COL8A1: variants seen among roughly 807,000 people sequenced by gnomAD.
COL8A1 encodes collagen alpha-1(VIII) chain.
In COL8A1, 21 loss-of-function variants were observed where a neutral mutation model predicts 42.7. The ratio of observed to expected loss-of-function variants is 0.49; its 90% CI spans 0.35 to 0.71. The LOEUF is 0.71. Ranked by LOEUF, COL8A1 falls within the 30% of genes least tolerant of loss-of-function variation. COL8A1 has a pLI of 0.01. For missense variants in COL8A1, 788 were observed against 962.4 expected (o/e 0.82, Z 2.40); for synonymous variants, 367 against 369.1 (o/e 0.99, Z 0.06).
chr3:99,681,357 C>T (rs919156570), intron 1 of COL8A1, among the ~76,000 whole-genome samples: 1 of 152,070 alleles, frequency 6.6e-6, no homozygotes, highest in African/African-American at 2.4e-5. Flanking sequence ...TTCTCAAAAG[C>T]AGACCTTACT....
At chr3:99,650,407 ATGT>A (rs1937805957) in intron 1 of COL8A1, among the ~76,000 whole-genome samples, 1 of 152,168 alleles carries the variant, frequency 6.6e-6, no homozygotes, top group Admixed American at 6.5e-5. Flanking sequence ...GCCACTAGCC[ATGT>A]ATGGCTACTA....
chr3:99,759,060 T>C (rs2107422771), intron 2 of COL8A1, among the ~76,000 whole-genome samples: 1 of 151,694 alleles, frequency 6.6e-6, no homozygotes, highest in Non-Finnish European at 1.5e-5. Context: ...ACAGCCCATC[T>C]AAAGTTGCAT....
At chr3:99,680,100 C>T (rs1053994891) in intron 1 of COL8A1, 19 of 152,066 alleles carry the variant, frequency 1.2e-4, no homozygotes, top group African/African-American at 4.3e-4. Context: ...CACCCATTAA[C>T]TCATCATTTA....
intron 1 of COL8A1, among the ~76,000 whole-genome samples, chr3:99,666,783 A>G (rs985337800): frequency 6.6e-6 from 1 of 152,228 alleles, no homozygotes; most frequent in African/African-American, 2.4e-5. Flanking sequence ...GGAACTAAGT[A>G]GAAAAATATT....
intron 1 of COL8A1, among the ~76,000 whole-genome samples, chr3:99,722,152 A>T (rs1007490637): frequency 2.0e-5 from 3 of 152,084 alleles, no homozygotes; most frequent in African/African-American, 7.2e-5. Flanking sequence ...TTACCTGCTA[A>T]AGGGAATTCT....
chr3:99,772,216 G>T (rs1019469613), intron 2 of COL8A1, among the ~76,000 whole-genome samples: 3 of 152,136 alleles, frequency 2.0e-5, no homozygotes, highest in African/African-American at 4.8e-5. Flanking sequence ...ACTAAATAAA[G>T]AAGCTAATCT....
At chr3:99,767,596 G>T (rs2107433998) in intron 2 of COL8A1, among the ~76,000 whole-genome samples, 1 of 152,264 alleles carries the variant, frequency 6.6e-6, no homozygotes, top group African/African-American at 2.4e-5. Flanking sequence ...GTCCTTGAGA[G>T]GATTAGGAGC....
chr3:99,796,671 C>A lies in COL8A1; in HGVS notation c.*535C>A, dbSNP rs116185650. Reference sequence around the variant, plus strand: ...CCCCAGTGGGAGGGGGCCCTGGGGACCCTGGTAATGCTTTAGTCAAAGGGA... The same window carrying A: ...CCCCAGTGGGAGGGGGCCCTGGGGAACCTGGTAATGCTTTAGTCAAAGGGA... On this transcript the variant is annotated 3_prime_UTR_variant, in exon 4 of 4. Coordinates refer to ENST00000652472, the MANE Select transcript of COL8A1 (RefSeq NM_020351.4). 0.012 allele frequency: 1,802 copies of A among 152,310 alleles called. 16 individuals carry two copies. The highest frequency in any genetic ancestry group is 0.018 in the Non-Finnish European group (1,216 of 68,086). 9.4% of individuals were successfully genotyped at this position (152,310 alleles called of 1,614,324 possible). A position where few individuals can be genotyped will look rare whatever the true frequency, so the allele number is the denominator to read the frequency against.
At chr3:99,737,430 C>G (rs1043902656) in intron 1 of COL8A1, among the ~76,000 whole-genome samples, 1 of 151,936 alleles carries the variant, frequency 6.6e-6, no homozygotes, top group Non-Finnish European at 1.5e-5. Context: ...CTGGTGGTGA[C>G]AAAATCTCCA....
intron 1 of COL8A1, among the ~76,000 whole-genome samples, chr3:99,645,058 C>T (rs1031744581): frequency 3.3e-5 from 5 of 152,194 alleles, no homozygotes; most frequent in Non-Finnish European, 7.3e-5. Context: ...GACCGAAGAG[C>T]ACTGTGATGG....
At chr3:99,791,712 G>T (rs1294853879) in intron 3 of COL8A1, among the ~76,000 whole-genome samples, 1 of 152,152 alleles carries the variant, frequency 6.6e-6, no homozygotes, top group Non-Finnish European at 1.5e-5. Context: ...CTGCATCAGA[G>T]CAGCAATTAC....
intron 1 of COL8A1, among the ~76,000 whole-genome samples, chr3:99,660,856 A>G (rs1037968596): frequency 6.6e-6 from 1 of 152,206 alleles, no homozygotes; most frequent in Non-Finnish European, 1.5e-5. Flanking sequence ...TTAATAGCTA[A>G]CCATAATGTC....
chr3:99,672,665 C>T (rs1387219559), intron 1 of COL8A1, among the ~76,000 whole-genome samples: 1 of 151,848 alleles, frequency 6.6e-6, no homozygotes, highest in African/African-American at 2.4e-5. Flanking sequence ...GATAATTATA[C>T]TACCAGTAAT....
At chr3:99,700,435 C>CAT (rs1055294746) in intron 1 of COL8A1, among the ~76,000 whole-genome samples, 5 of 152,102 alleles carry the variant, frequency 3.3e-5, no homozygotes, top group African/African-American at 1.2e-4. Context: ...CGCATAGAGA[C>CAT]ATGCACCCTC....
chr3:99,738,255 C>A (rs1940791719), intron 1 of COL8A1, among the ~76,000 whole-genome samples: 1 of 152,244 alleles, frequency 6.6e-6, no homozygotes. Context: ...CAGCTTTGTT[C>A]CATCGCTGGT....
intron 1 of COL8A1, among the ~76,000 whole-genome samples, chr3:99,649,875 T>C (rs1356236099): frequency 6.6e-6 from 1 of 152,178 alleles, no homozygotes; most frequent in East Asian, 1.9e-4. Context: ...GATGAATGCC[T>C]AATGGTATTC....
chr3:99,749,758 T>C (rs1334215256), intron 2 of COL8A1, among the ~76,000 whole-genome samples: 1 of 152,134 alleles, frequency 6.6e-6, no homozygotes, highest in Non-Finnish European at 1.5e-5. Flanking sequence ...TTTGCTTTCC[T>C]CCATTATACT....
chr3:99,758,253 G>T (rs1941298177), intron 2 of COL8A1, among the ~76,000 whole-genome samples: 1 of 152,106 alleles, frequency 6.6e-6, no homozygotes, highest in South Asian at 2.1e-4. Flanking sequence ...CTTACTAAAA[G>T]GTAAAAACCT....
intron 1 of COL8A1, among the ~76,000 whole-genome samples, chr3:99,737,406 CT>C (rs1263196738): frequency 6.6e-6 from 1 of 151,792 alleles, no homozygotes; most frequent in Non-Finnish European, 1.5e-5. Flanking sequence ...TTCAGGAGCT[CT>C]TTTAGGGCAG....
Sources: allele counts gnomAD v4.1 joint callset (sites outside exome capture counted in the v4.1 genomes callset), GRCh38; gene constraint gnomAD v4.1.1; transcripts MANE v1.5; gene names NCBI Gene and HGNC (gene_info 2026-07-23, HGNC 2026-07-21).